Variants in SARDH observed in about 807,000 individuals in gnomAD.
SARDH encodes sarcosine dehydrogenase, also known as sarcosine dehydrogenase, mitochondrial.
SARDH carries 95 observed loss-of-function variants against 109.1 expected under a neutral mutation model. The observed-to-expected ratio is 0.87, with a 90% CI of 0.74 to 1.03. The LOEUF (loss-of-function observed/expected upper bound fraction) is 1.03, where lower values mean the gene tolerates loss of function less well. Among genes scored for constraint, SARDH ranks in the 50% least tolerant of loss-of-function variants. The probability of loss-of-function intolerance (pLI) is 0.00; values close to 1 mark genes in which losing one functional copy is unlikely to be tolerated. For synonymous variants in SARDH, 572 were observed against 534.8 expected (o/e 1.07, Z -0.96); for missense variants, 1,267 against 1,287.8 (o/e 0.98, Z 0.25).
rs1320139027 is a variant in SARDH, at chr9:133,666,509, C to A, written c.2631+226G>T. 6.7e-6 allele frequency among the ~76,000 whole-genome samples: 1 copy of A among 149,048 alleles called. No individual in the cohort carries two copies. The highest frequency in any genetic ancestry group is 2.0e-4 in the East Asian group (1 of 4,904). ...CTCCTTCTCCCTCCCTCCTCCCTCT[C>A]CCTCCTCCTCCTCCTTCCTCTCTCC... On this transcript the variant is annotated intron_variant, in intron 20 of 20. Coordinates refer to ENST00000439388, the MANE Select transcript of SARDH (RefSeq NM_001134707.2). This position sits in a 1 kb window ranked among gnomAD's most constrained non-coding sequence, Gnocchi z 5.2.
At chr9:133,681,882 G>A (rs1467143281) in intron 17 of SARDH, among the ~76,000 whole-genome samples, 2 of 152,046 alleles carry the variant, frequency 1.3e-5, no homozygotes, top group Admixed American at 6.6e-5. Context: ...GCCAGTTGAC[G>A]CTCATGTCCC....
upstream of SARDH, among the ~76,000 whole-genome samples, chr9:133,739,126 G>A (rs1832979630): frequency 6.6e-6 from 1 of 152,188 alleles, no homozygotes; most frequent in East Asian, 1.9e-4. Flanking sequence ...GAGGAGGGGT[G>A]TGGAGGAAAC....
chr9:133,676,782 TCAGACTG>T (rs1467315587), intron 17 of SARDH, among the ~76,000 whole-genome samples: 1 of 152,140 alleles, frequency 6.6e-6, no homozygotes. Flanking sequence ...TCATGAGCAG[TCAGACTG>T]CAGAAAGCAC....
chr9:133,668,406 C>G (rs1450441917), intron 19 of SARDH, among the ~76,000 whole-genome samples: 10 of 61,870 alleles, frequency 1.6e-4, no homozygotes, highest in Admixed American at 1.3e-3. Context: ...TCTCCCTTCA[C>G]CCTCCCTCTC....
chr9:133,700,714 AGCACACACACACACACGCACGC>A (rs987433324), intron 13 of SARDH, among the ~76,000 whole-genome samples: 3 of 142,088 alleles, frequency 2.1e-5, no homozygotes, highest in African/African-American at 8.0e-5. Context: ...CTGTTTTCAA[AGCACACACACACACACGCACGC>A]GCACACACAC....
chr9:133,737,871 C>G (rs983305481), intron 1 of SARDH, among the ~76,000 whole-genome samples: 1 of 152,250 alleles, frequency 6.6e-6, no homozygotes, highest in African/African-American at 2.4e-5. Context: ...GGAGTGAGGG[C>G]TGAGGACAGC....
In SARDH at chr9:133,685,232, C is replaced by A; in HGVS notation, c.2124G>T (p.Pro708=). ...LDADLSNEAF[P]FSTHKLLRAA... ...CTCTCAGTAGCTTGTGGGTGGAGAA[C>A]GGGAAGGCCTCGTTGCTCAGGTCTG... The change falls in exon 17 of 21, where the codon CCG becomes CCT. Residue 708 remains proline (P), a synonymous_variant. Coordinates refer to ENST00000439388, the MANE Select transcript of SARDH (RefSeq NM_001134707.2). 1 of 1,613,924 alleles carries A rather than the reference C, an allele frequency of 6.2e-7. No homozygotes were observed. The highest frequency in any genetic ancestry group is 8.5e-7 in the Non-Finnish European group (1 of 1,179,934).
At chr9:133,729,641 TG>T in intron 6 of SARDH, 123 bp downstream of exon 6, 1 of 723,388 alleles carries the variant, frequency 1.4e-6, no homozygotes, top group Non-Finnish European at 2.3e-6. Context: ...ACAGATGAGG[TG>T]ACTGAGGCTT....
intron 20 of SARDH, among the ~76,000 whole-genome samples, chr9:133,664,450 A>T (rs1033509805): frequency 1.3e-5 from 2 of 152,128 alleles, no homozygotes. Context: ...TGGCCTCTGC[A>T]TGCTCCCCAT....
rs1370054202 is a variant in SARDH at position 133,703,877 on chromosome 9, A to C, written c.1555-848T>G. Among the ~76,000 whole-genome samples, 5 of 151,960 alleles carry C rather than the reference A, an allele frequency of 3.3e-5. No individual in the cohort carries two copies. The East Asian group carries it at 9.7e-4, about 29-fold the overall frequency. The stretch of plus-strand genomic sequence containing the variant: ...CCTCCCCAGCAGGGACATCCCACCC[A>C]CTGCAGCCCTGCCAAGGTGTCCTGG... On this transcript the variant is annotated intron_variant, in intron 12 of 20. Coordinates refer to ENST00000439388, the MANE Select transcript of SARDH (RefSeq NM_001134707.2).
At chr9:133,682,286 C>T (rs1375071966) in intron 17 of SARDH, among the ~76,000 whole-genome samples, 2 of 152,136 alleles carry the variant, frequency 1.3e-5, no homozygotes, top group Admixed American at 6.5e-5. Flanking sequence ...GGAACAGTCA[C>T]GACATTCGGA....
At position 133,718,683 on chromosome 9, in the gene SARDH, C is replaced by T. The variant is rs141744773; in HGVS notation, c.1020+255G>A. On this transcript the variant is annotated intron_variant, in intron 7 of 20. Transcript: ENST00000439388. The surrounding 1 kb of genome is among the most constrained non-coding windows in gnomAD (Gnocchi z 4.2). ...CTCATGCCCTTCTGAGGTCATCACT[C>T]CACACTGCGCAGACCTTCTCTGTGG... 8.5e-4 allele frequency: 659 copies of T among 779,646 alleles called. 2 individuals are homozygous for T. The highest frequency in any genetic ancestry group is 6.8e-3 in the African/African-American group (400 of 59,252). The allele number at this position is 779,646 out of a possible 1,614,324, so 48.3% of individuals were successfully genotyped here.
chr9:133,732,387 AG>A, intron 3 of SARDH, 35 bp downstream of exon 3: 31 of 538,324 alleles, frequency 5.8e-5, no homozygotes, highest in Non-Finnish European at 9.5e-5. Context: ...CACCCACCCA[AG>A]CCCCCCTCCT....
intron 14 of SARDH, among the ~76,000 whole-genome samples, 169 bp downstream of exon 14, chr9:133,696,054 G>C (rs59804197): frequency 0.066 from 6,909 of 104,906 alleles, 510 homozygotes; most frequent in African/African-American, 0.2. Flanking sequence ...CCTGGGGCCT[G>C]GGATGGGGCA....
Position 133,704,766 on chromosome 9 carries a change from G to C in SARDH, c.1554+182C>G, listed in dbSNP as rs1831623079. Among the ~76,000 whole-genome samples, 1 of 152,178 alleles carries C rather than the reference G, an allele frequency of 6.6e-6. No individual in the cohort carries two copies. The highest frequency in any genetic ancestry group is 1.5e-5 in the Non-Finnish European group (1 of 68,026). ...GAATTGCGTGAACGGCACAAAGAAT[G>C]CACTGAGCCTTGGGGGCAGGTCGGC... On this transcript the variant is annotated intron_variant, in intron 12 of 20. Coordinates refer to ENST00000439388, the MANE Select transcript of SARDH (RefSeq NM_001134707.2). This position sits in a 1 kb window ranked among gnomAD's most constrained non-coding sequence, Gnocchi z 4.5.
chr9:133,719,004 G>T lies in SARDH; in HGVS notation c.954C>A (p.Tyr318Ter). Residue 318 changes from tyrosine (Y) to a stop codon, truncating the protein, a stop_gained, in exon 7 of 21, where the codon TAC (tyrosine) becomes TAA (stop). Coordinates refer to ENST00000439388, the MANE Select transcript of SARDH (RefSeq NM_001134707.2). LOFTEE classifies it high-confidence loss of function. ...ACAAGGCATCCCCTTGGAGGCGGAG[G>T]TAGACAGAGGCATCATGATCACGGA... is the stretch of plus-strand genomic sequence containing the variant. ...PNVRDHDASV[Y>*]LRLQGDALSV... 1 of 1,614,226 alleles carries T rather than the reference G, an allele frequency of 6.2e-7. No individual in the cohort carries two copies.
rs1832724201 is a variant in SARDH at position 133,732,525 on chromosome 9, C to G, written c.408G>C (p.Glu136Asp). Residue 136 changes from glutamate (E) to aspartate (D), a missense_variant, in exon 3 of 21, where the codon GAG becomes GAC. Glu to Asp is a conservative substitution (Grantham distance 45, BLOSUM62 2). Coordinates refer to ENST00000439388, the MANE Select transcript of SARDH (RefSeq NM_001134707.2). ...LAHTRRVVSR[E>D]LEEETGLHTG... Reference sequence around the variant, plus strand: ...TGTGTAGTCCCGTCTCCTCCTCCAGCTCCCGGCTCACCACCCGCCGAGTGT... The same window carrying G: ...TGTGTAGTCCCGTCTCCTCCTCCAGGTCCCGGCTCACCACCCGCCGAGTGT... 1.2e-6 allele frequency: 2 copies of G among 1,613,970 alleles called. No homozygotes were observed. The highest frequency in any genetic ancestry group is 8.5e-7 in the Non-Finnish European group (1 of 1,179,930).
At chr9:133,679,725 C>T (rs1028115751) in intron 17 of SARDH, among the ~76,000 whole-genome samples, 4 of 152,348 alleles carry the variant, frequency 2.6e-5, no homozygotes, top group East Asian at 3.9e-4. Flanking sequence ...GTCCAGGGAT[C>T]GTGGCAGCCT....
At chr9:133,694,941 G>A (rs1435023031) in intron 14 of SARDH, among the ~76,000 whole-genome samples, 1 of 152,164 alleles carries the variant, frequency 6.6e-6, no homozygotes, top group Non-Finnish European at 1.5e-5. Context: ...TGGATTAATG[G>A]GAGGTGAGCA....
Sources: gnomAD v4.1 joint callset for allele counts (sites outside exome capture counted in the v4.1 genomes callset) on GRCh38, gnomAD v4.1.1 for gene constraint, Gnocchi (gnomAD v3.1) non-coding constraint, MANE v1.5 for transcripts, NCBI Gene and HGNC (gene_info 2026-07-23, HGNC 2026-07-21) for gene names.